The following TNS1 variants were observed in gnomAD, a reference collection of about 807,000 sequenced individuals.
The protein encoded by TNS1 is tensin-1.
TNS1 carries 62 observed loss-of-function variants against 168.6 expected under a neutral mutation model. That is an observed-to-expected ratio of 0.37 (90% confidence interval 0.30 to 0.45). The LOEUF is 0.45. Ranked by LOEUF, TNS1 falls within the 20% of genes least tolerant of loss-of-function variation. TNS1 has a pLI of 1.00. For missense variants in TNS1, 2,240 were observed against 2,339.4 expected (o/e 0.96, Z 0.88); for synonymous variants, 934 against 933.2 (o/e 1.00, Z -0.02).
intron 1 of TNS1, among the ~76,000 whole-genome samples, chr2:218,031,255 TGTATGA>T (rs1958894804): frequency 8.1e-6 from 1 of 123,150 alleles, no homozygotes; most frequent in Non-Finnish European, 1.5e-5. Context: ...TGTGTGTGAG[TGTATGA>T]GTGTGTTGTG....
At chr2:217,829,456 C>T (rs1944089556) in intron 22 of TNS1, among the ~76,000 whole-genome samples, 1 of 152,198 alleles carries the variant, frequency 6.6e-6, no homozygotes, top group African/African-American at 2.4e-5. Flanking sequence ...CTGAGAAATG[C>T]CTGTGGAGCA....
chr2:218,001,564 A>G (rs933098438), intron 1 of TNS1, among the ~76,000 whole-genome samples: 1 of 152,232 alleles, frequency 6.6e-6, no homozygotes, highest in South Asian at 2.1e-4. Context: ...TCCTCAGCAC[A>G]GAGACGAACC....
rs775480537 is a variant in TNS1 at position 217,847,874 on chromosome 2, G to C, written c.2643C>G (p.Ser881=). The part of the protein sequence containing the change: ...SQPLSGSSRQ[S]HPLTQSRSGY... ...CAGATCTGGACTGGGTCAGTGGATG[G>C]GACTGACGGGAGGATCCAGAGAGGG... Residue 881 remains serine (S), a synonymous_variant, in exon 19 of 33, where the codon TCC becomes TCG. Transcript: ENST00000682258. 1.1e-5 allele frequency: 17 copies of C among 1,569,914 alleles called. No homozygotes were observed. The South Asian group carries it at 2.0e-4, about 18-fold the overall frequency.
At chr2:217,999,364 A>G (rs1958522530) in intron 1 of TNS1, among the ~76,000 whole-genome samples, 1 of 152,094 alleles carries the variant, frequency 6.6e-6, no homozygotes. Context: ...AAACCGAACA[A>G]CCCTATAGGT....
At chr2:217,830,909 C>A (rs2125281250) in intron 22 of TNS1, among the ~76,000 whole-genome samples, 1 of 152,312 alleles carries the variant, frequency 6.6e-6, no homozygotes, top group East Asian at 1.9e-4. Flanking sequence ...TGGTAGGGTT[C>A]TCTGGGCCTG....
At chr2:217,984,419 T>G (rs1342939218) in intron 2 of TNS1, among the ~76,000 whole-genome samples, 1 of 142,228 alleles carries the variant, frequency 7.0e-6, no homozygotes. Context: ...ATATTATGAG[T>G]TTTTTTTTTT....
chr2:218,012,887 G>A (rs1484886547), upstream of TNS1, among the ~76,000 whole-genome samples: 8 of 152,052 alleles, frequency 5.3e-5, no homozygotes, highest in Admixed American at 2.6e-4. Context: ...TGGGTGGGGG[G>A]TTCTAATCCC....
In TNS1 at chr2:217,818,025, C is replaced by G; in HGVS notation, c.4307G>C (p.Arg1436Pro). The G allele has an allele frequency of 6.3e-7, 1 of 1,598,082 alleles. No individual in the cohort carries two copies. Among genetic ancestry groups the G allele is most frequent in the Non-Finnish European group, 8.5e-7 (1 of 1,172,378 alleles). Residue 1436 changes from arginine (R) to proline (P), a missense_variant, in exon 24 of 33, where the codon CGG (arginine) becomes CCG (proline). By Grantham distance (103) the Arg-to-Pro change is moderately radical (BLOSUM62 -2). This residue lies in a region of TNS1 where 2,131 missense variants were observed against 2,171.2 expected (regional missense o/e 0.98). Coordinates refer to ENST00000682258, the MANE Select transcript of TNS1 (RefSeq NM_001387777.1). ...GCTCTGCCGGGACAGTGTGGGTCTC[C>G]GATCCTCCGGGGTAGAATAGCCACC... is the stretch of plus-strand genomic sequence containing the variant. ...AYGGYSTPEDRRPTLSRQSSA... is the reference protein window; with the variant it reads ...AYGGYSTPEDPRPTLSRQSSA...
At chr2:218,015,523 C>T (rs1958749830) in intron 1 of TNS1, among the ~76,000 whole-genome samples, 1 of 152,166 alleles carries the variant, frequency 6.6e-6, no homozygotes, top group African/African-American at 2.4e-5. Flanking sequence ...CTTTCAAATT[C>T]CAGACCATTT....
rs1235861494 is a variant in TNS1, at chr2:218,032,104, C to T, written c.156+1716G>A. ...TGCTCCTGAGGCTGACATGTGGGAC[C>T]ATAGGAGGGCTCAGGGTGTAGGGCA... On this transcript the variant is annotated intron_variant, in intron 1 of 1. Transcript: ENST00000649572. The surrounding 1 kb of genome is among the most constrained non-coding windows in gnomAD (Gnocchi z 4.0). Among the ~76,000 whole-genome samples, 2 of 152,216 alleles carry T rather than the reference C, an allele frequency of 1.3e-5. No individual in the cohort carries two copies. The highest frequency in any genetic ancestry group is 2.4e-5 in the African/African-American group (1 of 41,454).
chr2:217,852,751 GCAA>G (rs1242650564), intron 18 of TNS1, among the ~76,000 whole-genome samples: 2 of 152,186 alleles, frequency 1.3e-5, no homozygotes, highest in South Asian at 2.1e-4. Context: ...CCTGTTTGCA[GCAA>G]CAACATCAGG....
At chr2:217,935,680 A>G (rs1956568982) in intron 3 of TNS1, among the ~76,000 whole-genome samples, 1 of 152,232 alleles carries the variant, frequency 6.6e-6, no homozygotes, top group African/African-American at 2.4e-5. Context: ...CCCAGCCAAG[A>G]AACCCCTGCT....
intron 17 of TNS1, chr2:217,881,233 T>C: frequency 3.6e-6 from 2 of 560,036 alleles, no homozygotes; most frequent in South Asian, 4.5e-5. Context: ...TCATGCCGGG[T>C]CATAGGGGTA....
intron 23 of TNS1, among the ~76,000 whole-genome samples, chr2:217,821,343 T>C (rs1440946681): frequency 3.3e-5 from 5 of 152,172 alleles, no homozygotes; most frequent in Non-Finnish European, 7.4e-5. Flanking sequence ...CCTCCTAGGA[T>C]TGCTGCGAGG....
In TNS1 at chr2:217,914,945, C is replaced by A. The variant is rs995188886; in HGVS notation, c.228+5250G>T. 2.6e-5 allele frequency among the ~76,000 whole-genome samples: 4 copies of A among 152,162 alleles called. No individual in the cohort carries two copies. The South Asian group carries it at 8.3e-4, about 32-fold the overall frequency. ...CATATTCTCACTCCCATTCTGTGCCCGTCCCACGTCTTCTCTCTCTAGGCT... is the reference window on the plus strand; with the variant it reads ...CATATTCTCACTCCCATTCTGTGCCAGTCCCACGTCTTCTCTCTCTAGGCT... On this transcript the variant is annotated intron_variant, in intron 4 of 32. Transcript: ENST00000682258.
intron 22 of TNS1, among the ~76,000 whole-genome samples, chr2:217,822,888 C>T (rs906961034): frequency 9.2e-5 from 14 of 152,180 alleles, no homozygotes; most frequent in Non-Finnish European, 1.8e-4. Flanking sequence ...TTGTTTACCC[C>T]GGGCCATGAT....
upstream of TNS1, among the ~76,000 whole-genome samples, chr2:218,005,369 G>A (rs1024539096): frequency 6.6e-6 from 1 of 152,292 alleles, no homozygotes; most frequent in Admixed American, 6.5e-5. Flanking sequence ...ATGGAAGTAG[G>A]GGACCCTAGT....
At chr2:217,945,216 C>G (rs1275576163) in intron 3 of TNS1, among the ~76,000 whole-genome samples, 1 of 152,224 alleles carries the variant, frequency 6.6e-6, no homozygotes, top group Admixed American at 6.5e-5. Context: ...GCCTCAGTTT[C>G]CTCTGCGACA....
chr2:217,929,678 A>G (rs962753782), intron 3 of TNS1, among the ~76,000 whole-genome samples: 1 of 22,728 alleles, frequency 4.4e-5, no homozygotes, highest in African/African-American at 1.7e-4. Context: ...TCCACCCACC[A>G]CCCCTCCCTC....
Sources: allele counts gnomAD v4.1 joint callset (sites outside exome capture counted in the v4.1 genomes callset), GRCh38; gene constraint gnomAD v4.1.1; regional missense constraint gnomAD v4.1.1; non-coding constraint Gnocchi (gnomAD v3.1); transcripts MANE v1.5; gene names NCBI Gene and HGNC (gene_info 2026-07-23, HGNC 2026-07-21).